Variants in RGP1 observed in about 807,000 individuals in gnomAD.
RGP1 encodes the protein RGP1 partner of RAB6A GEF complex.
A neutral mutation model predicts 44.5 loss-of-function variants in RGP1; 28 were observed. The ratio of observed to expected loss-of-function variants is 0.63; its 90% CI spans 0.47 to 0.86. RGP1 has a LOEUF of 0.86. RGP1 is among the 40% of genes least tolerant of loss of function. The pLI is 0.00. For synonymous variants in RGP1, 212 were observed against 196.7 expected, an observed-to-expected ratio of 1.08 and a Z score of -0.65; for missense variants, 417 against 490.7, an observed-to-expected ratio of 0.85 and a Z score of 1.42.
the RGP1 span, among the ~76,000 whole-genome samples, chr9:35,774,883 T>A: frequency 6.6e-6 from 1 of 151,560 alleles, no homozygotes; most frequent in African/African-American, 2.4e-5. Flanking sequence ...CATCCCAAAT[T>A]TTGGTGGGGG....
chr9:35,783,468 C>T, the RGP1 span, among the ~76,000 whole-genome samples: 3 of 152,112 alleles, frequency 2.0e-5, no homozygotes, highest in Non-Finnish European at 4.4e-5. Context: ...CCATCTACCC[C>T]TCCTGCCTAT....
rs766659811 is a variant in RGP1 at position 35,754,069 on chromosome 9, T to G, written c.*1195T>G. On this transcript the variant is annotated 3_prime_UTR_variant, in exon 9 of 9. Transcript: ENST00000378078. The stretch of plus-strand genomic sequence containing the variant: ...AGGAGTAGAGACATCACCAAGCAGA[T>G]GATCCCCCAGCCTCCTAGGATCCCC... The G allele has an allele frequency of 2.5e-6, 4 of 1,613,900 alleles. No individual in the cohort carries two copies. The highest frequency in any genetic ancestry group is 3.4e-6 in the Non-Finnish European group (4 of 1,179,866).
the RGP1 span, among the ~76,000 whole-genome samples, chr9:35,767,450 A>G: frequency 6.6e-6 from 1 of 152,142 alleles, no homozygotes; most frequent in Non-Finnish European, 1.5e-5. Context: ...CCATTCTTCA[A>G]GCCACTTCAA....
chr9:35,785,318 C>T, the RGP1 span, among the ~76,000 whole-genome samples: 1 of 151,858 alleles, frequency 6.6e-6, no homozygotes, highest in African/African-American at 2.4e-5. Flanking sequence ...AAGGCTGCTG[C>T]GCAGAGGTTC....
the RGP1 span, among the ~76,000 whole-genome samples, chr9:35,770,750 G>T: frequency 6.6e-6 from 1 of 152,116 alleles, no homozygotes; most frequent in Non-Finnish European, 1.5e-5. Context: ...AGATGCTTAG[G>T]TTACTTATAA....
the RGP1 span, among the ~76,000 whole-genome samples, chr9:35,784,941 T>C: frequency 1.3e-5 from 2 of 152,172 alleles, no homozygotes; most frequent in Non-Finnish European, 2.9e-5. Context: ...CAAGCTTTAC[T>C]CTTCACAGAA....
At chr9:35,765,961 A>T in the RGP1 span, among the ~76,000 whole-genome samples, 1 of 150,678 alleles carries the variant, frequency 6.6e-6, no homozygotes, top group Non-Finnish European at 1.5e-5. Context: ...CAGCCTCCTG[A>T]GTAGCTGGGA....
At position 35,755,984 on chromosome 9, in the gene RGP1, C is replaced by T. The variant is rs1827353568; in HGVS notation, c.*3110C>T. On this transcript the variant is annotated 3_prime_UTR_variant, in exon 9 of 9. Coordinates refer to ENST00000378078, the MANE Select transcript of RGP1 (RefSeq NM_001080496.3). Reference sequence around the variant, plus strand: ...ACCCTAGGACAAGATGTCCTTTTCTCATCATCCTGCCAGGCTAACTTTAAG... The same window carrying T: ...ACCCTAGGACAAGATGTCCTTTTCTTATCATCCTGCCAGGCTAACTTTAAG... The T allele has an allele frequency of 6.6e-6, 1 of 152,316 alleles. No individual in the cohort carries two copies. Among genetic ancestry groups the T allele is most frequent in the African/African-American group, 2.4e-5 (1 of 41,448 alleles). The allele number at this position is 152,316 out of a possible 1,614,324, so 9.4% of individuals were successfully genotyped here. A position where few individuals can be genotyped will look rare whatever the true frequency, so the allele number is the denominator to read the frequency against.
At chr9:35,761,894 C>A (rs1470174331), downstream of RGP1, among the ~76,000 whole-genome samples, 3 of 152,110 alleles carry the variant, frequency 2.0e-5, no homozygotes, top group Non-Finnish European at 4.4e-5. Flanking sequence ...TGGCTCACAC[C>A]TGTAATCCCA....
chr9:35,781,410 G>T, the RGP1 span, among the ~76,000 whole-genome samples: 1 of 124,040 alleles, frequency 8.1e-6, no homozygotes, highest in African/African-American at 3.0e-5. Flanking sequence ...GTGGGGGGAG[G>T]GGGTGGGGGG....
At position 35,750,302 on chromosome 9, in the gene RGP1, G is replaced by A. The variant is rs1563972595; in HGVS notation, c.176G>A (p.Arg59Gln). 1.7e-5 allele frequency: 27 copies of A among 1,613,782 alleles called. No individual in the cohort carries two copies. The highest frequency in any genetic ancestry group is 1.0e-4 in the Admixed American group (6 of 59,998). ...IHCQFHASESRVALPPPDSSQ... is the reference protein window; with the variant it reads ...IHCQFHASESQVALPPPDSSQ... ...TGCCAGTTCCATGCCAGTGAGAGTC[G>A]AGTAGCACTGCCTCCTCCTGACTCT... Residue 59 changes from arginine (R) to glutamine (Q), a missense_variant, in exon 3 of 9, where the codon CGA becomes CAA. Transcript: ENST00000378078.
chr9:35,749,311 A>C lies in RGP1; in HGVS notation c.-117A>C. Reference sequence around the variant, plus strand: ...AAGTCCCGCCTCTACCGCCCAGCGGACGCCGCCGCCGCCGCCGCCGCCGCG... The same window carrying C: ...AAGTCCCGCCTCTACCGCCCAGCGGCCGCCGCCGCCGCCGCCGCCGCCGCG... On this transcript the variant is annotated 5_prime_UTR_variant, in exon 1 of 9. Transcript: ENST00000378078. The surrounding 1 kb of genome is among the most constrained non-coding windows in gnomAD (Gnocchi z 4.4). 1.9e-6 allele frequency: 1 copy of C among 521,126 alleles called. No homozygotes were observed. Among genetic ancestry groups the C allele is most frequent in the Non-Finnish European group, 3.9e-6 (1 of 254,884 alleles). The allele number at this position is 521,126 out of a possible 1,614,324, so 32.3% of individuals were successfully genotyped here.
At chr9:35,750,535 A>G in intron 3 of RGP1, 123 bp from the exon 4 acceptor site, 1 of 1,298,696 alleles carries the variant, frequency 7.7e-7, no homozygotes, top group Non-Finnish European at 1.1e-6. Context: ...GGGGTAGAAG[A>G]CTATTCCCAT....
chr9:35,790,380 TA>T, the RGP1 span: 2 of 153,884 alleles, frequency 1.3e-5, no homozygotes, highest in African/African-American at 4.8e-5. Context: ...TATTCACAGG[TA>T]CAGCTTGTGC....
At chr9:35,765,727 C>T in the RGP1 span, among the ~76,000 whole-genome samples, 2 of 151,598 alleles carry the variant, frequency 1.3e-5, no homozygotes, top group African/African-American at 4.8e-5. Context: ...AAGTGCCATA[C>T]TGTTTTCCAA....
At position 35,749,356 on chromosome 9, in the gene RGP1, G is replaced by A. The variant is rs1389282658; in HGVS notation, c.-72G>A. The stretch of plus-strand genomic sequence containing the variant: ...GCCGCGTACCTAGCCAGGTCCCTGA[G>A]GGGCGGGCAGATGAGGCCTAGGGGT... On this transcript the variant is annotated 5_prime_UTR_variant, in exon 1 of 9. Transcript: ENST00000378078. The surrounding 1 kb of genome is among the most constrained non-coding windows in gnomAD (Gnocchi z 4.4). The A allele has an allele frequency of 5.6e-6, 3 of 539,702 alleles. No individual in the cohort carries two copies. Among genetic ancestry groups the A allele is most frequent in the South Asian group, 4.2e-5 (3 of 72,126 alleles). The allele number at this position is 539,702 out of a possible 1,614,324, so 33.4% of individuals were successfully genotyped here.
chr9:35,760,492 T>C (rs1322658885), downstream of RGP1, among the ~76,000 whole-genome samples: 5 of 152,214 alleles, frequency 3.3e-5, no homozygotes, highest in Non-Finnish European at 7.3e-5. Context: ...CTCCAGTGTA[T>C]AGAATTACTG....
In RGP1 at chr9:35,754,374, T is replaced by C. The variant is rs1827327930; in HGVS notation, c.*1500T>C. 5.1e-6 allele frequency: 2 copies of C among 395,944 alleles called. No homozygotes were observed. Among genetic ancestry groups the C allele is most frequent in the East Asian group, 4.4e-5 (1 of 22,830 alleles). 24.5% of individuals were successfully genotyped at this position (395,944 alleles called of 1,614,324 possible). ...AACTCTGTTTCCTGAGGTGAGGGCA[T>C]GAAAACAAGAGGTCTAGCTTTAACA... On this transcript the variant is annotated 3_prime_UTR_variant, in exon 9 of 9. Coordinates refer to ENST00000378078, the MANE Select transcript of RGP1 (RefSeq NM_001080496.3).
the RGP1 span, among the ~76,000 whole-genome samples, chr9:35,785,624 G>A: frequency 6.6e-6 from 1 of 152,142 alleles, no homozygotes; most frequent in African/African-American, 2.4e-5. Context: ...GGAGGGAAGT[G>A]AGACTGGAGA....
Sources: gnomAD v4.1 joint callset for allele counts (sites outside exome capture counted in the v4.1 genomes callset) on GRCh38, gnomAD v4.1.1 for gene constraint, Gnocchi (gnomAD v3.1) non-coding constraint, MANE v1.5 for transcripts, NCBI Gene and HGNC (gene_info 2026-07-23, HGNC 2026-07-21) for gene names.